DNAH5: variants seen among roughly 807,000 people sequenced by gnomAD.
The protein encoded by DNAH5 is axonemal beta dynein heavy chain 5.
Under a neutral mutation model 518.2 loss-of-function variants are expected in DNAH5, and 372 were observed. That is an observed-to-expected ratio of 0.72 (90% confidence interval 0.66 to 0.78). The LOEUF (loss-of-function observed/expected upper bound fraction) is 0.78, where lower values mean the gene tolerates loss of function less well. Among genes scored for constraint, DNAH5 ranks in the 30% least tolerant of loss-of-function variants. The pLI is 0.00. For synonymous variants in DNAH5, 2,039 were observed against 2,025.9 expected, an observed-to-expected ratio of 1.01 and a Z score of -0.17; for missense variants, 5,523 against 5,687.0, an observed-to-expected ratio of 0.97 and a Z score of 0.93.
chr5:13,733,730 T>C (rs1273302452), intron 68 of DNAH5, among the ~76,000 whole-genome samples: 3 of 152,146 alleles, frequency 2.0e-5, no homozygotes, highest in South Asian at 4.1e-4. Flanking sequence ...TATGCATATG[T>C]ATATGCATAT....
intron 1 of DNAH5, among the ~76,000 whole-genome samples, chr5:13,964,943 A>G (rs1257704183): frequency 1.3e-5 from 2 of 152,188 alleles, no homozygotes; most frequent in Non-Finnish European, 2.9e-5. Flanking sequence ...TTCAATGTCC[A>G]AAACATACCA....
At chr5:13,702,448 C>T (rs761465278) in intron 76 of DNAH5, among the ~76,000 whole-genome samples, 3 of 152,162 alleles carry the variant, frequency 2.0e-5, no homozygotes, top group Non-Finnish European at 2.9e-5. Flanking sequence ...GTTTATACTA[C>T]GTTCGGTCTG....
intron 36 of DNAH5, among the ~76,000 whole-genome samples, 176 bp downstream of exon 36, chr5:13,830,421 A>G (rs541187890): frequency 7.9e-5 from 12 of 152,324 alleles, no homozygotes. Flanking sequence ...ATATCAAAAA[A>G]AAGTCAGGAG....
At chr5:13,875,463 T>A (rs1353098051) in intron 22 of DNAH5, among the ~76,000 whole-genome samples, 5 of 71,576 alleles carry the variant, frequency 7.0e-5, no homozygotes, top group African/African-American at 2.6e-4. Context: ...GTGAAACTCC[T>A]TCAAAAAAAA....
chr5:13,721,236 A>C lies in DNAH5; in HGVS notation c.12043T>G (p.Tyr4015Asp), dbSNP rs754466516. 3.7e-6 allele frequency: 6 copies of C among 1,614,146 alleles called. No individual in the cohort carries two copies. Among genetic ancestry groups the C allele is most frequent in the Non-Finnish European group, 4.2e-6 (5 of 1,179,992 alleles). ...PDRTIAQARK[Y>D]IVDSMGEKYA... ...TTTTCTCCCATGGAGTCCACGATGT[A>C]CTTGCGGGCCTGCCAAAAACAGTAT... The change falls in exon 71 of 79, where the codon TAC becomes GAC. Residue 4015 changes from tyrosine to aspartate, a missense_variant. By Grantham distance (160) the Tyr-to-Asp change is radical. This residue lies in a region of DNAH5 where 5,121 missense variants were observed against 5,223.3 expected (regional missense o/e 0.98). Transcript: ENST00000265104.
In DNAH5 at chr5:13,901,429, T is replaced by C. The variant is rs760104411; in HGVS notation, c.1875A>G (p.Gly625=). The C allele has an allele frequency of 4.3e-6, 7 of 1,614,036 alleles. No individual in the cohort carries two copies. The South Asian group carries it at 6.6e-5, about 15-fold the overall frequency. The change falls in exon 14 of 79, where the codon GGA becomes GGG. Residue 625 remains glycine (G), a synonymous_variant. Transcript: ENST00000265104. The stretch of plus-strand genomic sequence containing the variant: ...AGAGCTGGCGGGCCCACAAAATCTT[T>C]CCAGCGATGGGAGGCTGGTTTCGAG... ...PLARNQPPIA[G]KILWARQLFH... is the part of the protein sequence containing the mutation.
chr5:13,996,329 A>G (rs575848334), intron 1 of DNAH5, among the ~76,000 whole-genome samples: 1 of 152,134 alleles, frequency 6.6e-6, no homozygotes, highest in Admixed American at 6.6e-5. Flanking sequence ...CCCCGAATTC[A>G]TGTCTTTCTC....
At chr5:13,701,168 AG>A in intron 77 of DNAH5, 115 bp downstream of exon 77, 1 of 1,381,702 alleles carries the variant, frequency 7.2e-7, no homozygotes, top group Non-Finnish European at 1.0e-6. Context: ...TGTAACTGCT[AG>A]TACCAAAAAG....
chr5:13,829,678 T>C lies in DNAH5; in HGVS notation c.6276A>G (p.Glu2092=), dbSNP rs2151835410. ...TMNPGYAGRQ[E]LPENLKINFR... ...AATTAATCTTCAAGTTTTCAGGGAG[T>C]TCCTGCCGTCCGGCATAGCCAGGAT... Residue 2092 remains glutamate (E), a synonymous_variant, in exon 38 of 79, where the codon GAA becomes GAG. Transcript: ENST00000265104. 1 of 1,614,000 alleles carries C rather than the reference T, an allele frequency of 6.2e-7. No individual in the cohort carries two copies.
chr5:13,842,483 GAGAAAGA>G (rs1474668843), intron 32 of DNAH5, among the ~76,000 whole-genome samples: 98 of 77,864 alleles, frequency 1.3e-3, no homozygotes, highest in African/African-American at 2.1e-3. Context: ...AAGAAAGAAA[GAGAAAGA>G]AAAGAAAGAA....
intron 1 of DNAH5, among the ~76,000 whole-genome samples, chr5:13,956,170 C>T (rs55990141): frequency 0.045 from 6,874 of 152,200 alleles, 208 homozygotes; most frequent in Non-Finnish European, 0.069. Context: ...GCATTCTTCC[C>T]GAATCTTATG....
chr5:13,927,527 T>TAAC (rs1399668955), intron 3 of DNAH5, among the ~76,000 whole-genome samples: 2 of 151,414 alleles, frequency 1.3e-5, no homozygotes, highest in Non-Finnish European at 2.9e-5. Context: ...TAATAATAAA[T>TAAC]AACAACAACA....
At chr5:13,754,421 A>G (rs1750698691) in intron 61 of DNAH5, 83 bp from the exon 62 acceptor site, 2 of 1,482,960 alleles carry the variant, frequency 1.3e-6, no homozygotes, top group South Asian at 2.3e-5. Context: ...AGAACACGCC[A>G]TATTATCTGC....
At chr5:13,980,590 C>T (rs909375581) in intron 1 of DNAH5, among the ~76,000 whole-genome samples, 2 of 152,092 alleles carry the variant, frequency 1.3e-5, no homozygotes, top group Non-Finnish European at 2.9e-5. Flanking sequence ...AAATATAGCC[C>T]AAATCTGACC....
At chr5:13,811,956 A>C (rs1580373838) in intron 43 of DNAH5, 133 bp from the exon 44 acceptor site, 1 of 759,414 alleles carries the variant, frequency 1.3e-6, no homozygotes, top group Non-Finnish European at 2.2e-6. Flanking sequence ...ACTATGTTCC[A>C]GGCTTTGTTA....
At chr5:13,700,207 T>G (rs1177319964) in intron 78 of DNAH5, among the ~76,000 whole-genome samples, 1 of 152,206 alleles carries the variant, frequency 6.6e-6, no homozygotes, top group Non-Finnish European at 1.5e-5. Flanking sequence ...CAGTCTTATC[T>G]AGAAAGTCTC....
intron 64 of DNAH5, 141 bp from the exon 65 acceptor site, chr5:13,751,401 G>T: frequency 1.2e-6 from 1 of 807,620 alleles, no homozygotes; most frequent in Non-Finnish European, 2.0e-6. Context: ...GTCATGAGGC[G>T]TCTGCACAGC....
intron 47 of DNAH5, among the ~76,000 whole-genome samples, chr5:13,798,778 T>G (rs1273969818): frequency 1.4e-5 from 2 of 146,366 alleles, no homozygotes; most frequent in African/African-American, 2.6e-5. Context: ...ATTTATTTAT[T>G]TATTTATTTA....
At chr5:13,725,128 T>C (rs1160010134) in intron 70 of DNAH5, among the ~76,000 whole-genome samples, 1 of 152,286 alleles carries the variant, frequency 6.6e-6, no homozygotes, top group South Asian at 2.1e-4. Flanking sequence ...CCCACCTCCA[T>C]GCCAGGATGA....
Sources: allele counts gnomAD v4.1 joint callset (sites outside exome capture counted in the v4.1 genomes callset), GRCh38; gene constraint gnomAD v4.1.1; regional missense constraint gnomAD v4.1.1; transcripts MANE v1.5; gene names NCBI Gene and HGNC (gene_info 2026-07-23, HGNC 2026-07-21).